MUC4: variants seen among roughly 807,000 people sequenced by gnomAD.
The protein encoded by MUC4 is mucin 4, cell surface associated, also known as mucin-4.
MUC4 carries 202 observed loss-of-function variants against 257.9 expected under a neutral mutation model. The observed-to-expected ratio is 0.78, with a 90% CI of 0.70 to 0.88. MUC4 has a LOEUF of 0.88. Among genes scored for constraint, MUC4 ranks in the 40% least tolerant of loss-of-function variants. MUC4 has a pLI of 0.00. For synonymous variants in MUC4, 2,351 were observed against 2,757.1 expected, an observed-to-expected ratio of 0.85 and a Z score of 4.62; for missense variants, 5,976 against 6,513.7, an observed-to-expected ratio of 0.92 and a Z score of 2.84.
chr3:195,761,521 C>T lies in MUC4; in HGVS notation c.14577G>A (p.Gly4859=). Reference sequence around the variant, plus strand: ...AGTGGAAAAGCATCTCCTCAGGGCTCCCTGGGGGAATGGTGGAGCCATTGG... The same window carrying T: ...AGTGGAAAAGCATCTCCTCAGGGCTTCCTGGGGGAATGGTGGAGCCATTGG... ...RMPNGSTIPP[G]SPEEMLFHFG... is the part of the protein sequence containing the mutation. Residue 4859 remains glycine (G), a synonymous_variant, in exon 15 of 25, where the codon GGG becomes GGA. Transcript: ENST00000463781. The T allele has an allele frequency of 6.2e-7, 1 of 1,614,108 alleles. No individual in the cohort carries two copies. Among genetic ancestry groups the T allele is most frequent in the Non-Finnish European group, 8.5e-7 (1 of 1,179,958 alleles).
Position 195,763,619 on chromosome 3 carries a change from G to T in MUC4, c.14067C>A (p.His4689Gln), listed in dbSNP as rs531923777. ...AACTGACACCATCCAAGGTGGTGAT[G>T]TGGGGGTCCCCGAACATCCAGGCTG... ...PQPAWMFGDP[H>Q]ITTLDGVSYT... Residue 4689 changes from histidine (H) to glutamine (Q), a missense_variant, in exon 12 of 25, where the codon CAC becomes CAA. Around this residue, in one of 44 missense-constraint regions of MUC4, gnomAD observed 996 missense variants for 1,137.3 expected, o/e 0.88. Transcript: ENST00000463781. 1.3e-6 allele frequency: 2 copies of T among 1,550,202 alleles called. No individual in the cohort carries two copies. The highest frequency in any genetic ancestry group is 2.4e-5 in the South Asian group (2 of 83,638).
intron 2 of MUC4, 33 bp downstream of exon 2, chr3:195,778,757 G>A (rs1725662280): frequency 1.3e-6 from 2 of 1,575,190 alleles, no homozygotes; most frequent in African/African-American, 1.3e-5. Context: ...GGGGCCCACT[G>A]GGAGACATAA....
chr3:195,795,846 A>G (rs111932313), intron 1 of MUC4, among the ~76,000 whole-genome samples: 2,999 of 9,884 alleles, frequency 0.3, 214 homozygotes, highest in African/African-American at 0.51. Flanking sequence ...AAAGTGGGGG[A>G]GGGGGGTGGG....
rs774385538 is a variant in MUC4, at chr3:195,762,215, C to T, written c.14384G>A (p.Arg4795His). 7.5e-6 allele frequency: 12 copies of T among 1,594,916 alleles called. No individual in the cohort carries two copies. The highest frequency in any genetic ancestry group is 1.7e-5 in the Admixed American group (1 of 57,714). Residue 4795 changes from arginine to histidine, a missense_variant, in exon 14 of 25, where the codon CGC becomes CAC. Arg to His is a conservative substitution (Grantham distance 29, BLOSUM62 0). This residue lies in a region of MUC4 where 996 missense variants were observed against 1,137.3 expected (regional missense o/e 0.88). Coordinates refer to ENST00000463781, the MANE Select transcript of MUC4 (RefSeq NM_018406.7). ...GCTGGCCGAGACCTCAGAGCCGTTGCGGCTCAGGAGGACTCCGGTGGCGTT... is the reference window on the plus strand; with the variant it reads ...GCTGGCCGAGACCTCAGAGCCGTTGTGGCTCAGGAGGACTCCGGTGGCGTT... The part of the protein sequence containing the change: ...TFNATGVLLS[R>H]NGSEVSASFD...
intron 20 of MUC4, 63 bp downstream of exon 20, chr3:195,752,988 G>A (rs1716777371): frequency 1.4e-5 from 19 of 1,393,590 alleles, no homozygotes; most frequent in Middle Eastern, 2.6e-4. Context: ...GGCGGAGTGC[G>A]GGGGTGAGAG....
intron 11 of MUC4, 25 bp downstream of exon 11, chr3:195,764,020 C>T: frequency 6.2e-7 from 1 of 1,601,538 alleles, no homozygotes. Flanking sequence ...AGAGGCTCTT[C>T]CTGGGCCTGG....
intron 1 of MUC4, among the ~76,000 whole-genome samples, chr3:195,795,600 G>A (rs975303742): frequency 6.6e-6 from 1 of 152,000 alleles, no homozygotes; most frequent in Admixed American, 6.5e-5. Flanking sequence ...CTGAAAGGCT[G>A]AAAAAGGAAA....
chr3:195,788,761 G>T lies in MUC4; in HGVS notation c.2819C>A (p.Pro940Gln), dbSNP rs753406065. The part of the protein sequence containing the change: ...DTFSTVPPTP[P>Q]SITSTGLTSP... The stretch of plus-strand genomic sequence containing the variant: ...TGTAAGCCCAGTGGATGTGATCGAT[G>T]GAGGTGTGGGTGGGACTGTTGAGAA... The change falls in exon 2 of 25, where the codon CCA (proline) becomes CAA (glutamine). Residue 940 changes from proline to glutamine, a missense_variant. Pro to Gln is a moderately conservative substitution (Grantham distance 76). Transcript: ENST00000463781. 1 of 1,613,802 alleles carries T rather than the reference G, an allele frequency of 6.2e-7. No homozygotes were observed. Among genetic ancestry groups the T allele is most frequent in the East Asian group, 2.2e-5 (1 of 44,884 alleles).
rs1304054272 is a variant in MUC4 at position 195,780,165 on chromosome 3, C to T, written c.11415G>A (p.Gln3805=). 1.8e-6 allele frequency: 2 copies of T among 1,108,732 alleles called. No homozygotes were observed. Among genetic ancestry groups the T allele is most frequent in the Non-Finnish European group, 2.3e-6 (2 of 864,386 alleles). 68.7% of individuals were successfully genotyped at this position (1,108,732 alleles called of 1,614,324 possible). The change falls in exon 2 of 25, where the codon CAG becomes CAA. Residue 3805 remains glutamine, a synonymous_variant. Coordinates refer to ENST00000463781, the MANE Select transcript of MUC4 (RefSeq NM_018406.7). ...VTDTSSASTG[Q]ATPLPVTSLS... is the part of the protein sequence containing the mutation. ...GGCTGGTGACAGGAAGAGGGGTGGCCTGACCTGTGGATGCTGAGGAAGTGT... is the reference window on the plus strand; with the variant it reads ...GGCTGGTGACAGGAAGAGGGGTGGCTTGACCTGTGGATGCTGAGGAAGTGT...
intron 17 of MUC4, 55 bp downstream of exon 17, chr3:195,759,069 T>C: frequency 1.3e-6 from 2 of 1,598,344 alleles, no homozygotes; most frequent in Non-Finnish European, 1.7e-6. Flanking sequence ...AATTTGACTC[T>C]GACCTCATCC....
At chr3:195,767,834 A>ATTG (rs1184954231) in intron 7 of MUC4, among the ~76,000 whole-genome samples, 1 of 116,516 alleles carries the variant, frequency 8.6e-6, no homozygotes, top group East Asian at 2.3e-4. Context: ...CACCACCATC[A>ATTG]CCACCACCAC....
At chr3:195,753,719 G>A in intron 19 of MUC4, 1 of 188,062 alleles carries the variant, frequency 5.3e-6, no homozygotes, top group Non-Finnish European at 1.1e-5. Flanking sequence ...CAGATGGCTG[G>A]GAGGACTCAA....
chr3:195,770,360 C>A lies in MUC4; in HGVS notation c.13254G>T (p.Thr4418=). The stretch of plus-strand genomic sequence containing the variant: ...CTAGCAGGCTGTGTTCACCATAGAA[C>A]GTCTCGTATTCCTAGGAAAGGAGGG... ...RGTTFYQEYE[T]FYGEHSLLVQ... Residue 4418 remains threonine (T), a synonymous_variant, in exon 6 of 25, where the codon ACG becomes ACT. Transcript: ENST00000463781. The A allele has an allele frequency of 1.2e-6, 2 of 1,613,776 alleles. No individual in the cohort carries two copies. The highest frequency in any genetic ancestry group is 1.7e-6 in the Non-Finnish European group (2 of 1,179,890).
At chr3:195,799,019 A>G (rs941728787) in intron 1 of MUC4, among the ~76,000 whole-genome samples, 3 of 151,784 alleles carry the variant, frequency 2.0e-5, no homozygotes, top group Non-Finnish European at 2.9e-5. Flanking sequence ...CACTCCCCCA[A>G]CTGGAAGCGT....
chr3:195,757,111 G>T lies in MUC4; in HGVS notation c.15168+36C>A. On this transcript the variant is annotated intron_variant, in intron 18 of 24. Coordinates refer to ENST00000463781, the MANE Select transcript of MUC4 (RefSeq NM_018406.7). The surrounding 1 kb of genome is among the most constrained non-coding windows in gnomAD (Gnocchi z 4.8). ...TTCCACTCCCATTTCCTCTCCCCTC[G>T]GCACAGAAACTCCTCCCCCACCTCC... 1.3e-6 allele frequency: 2 copies of T among 1,566,774 alleles called. No individual in the cohort carries two copies. The highest frequency in any genetic ancestry group is 1.7e-6 in the Non-Finnish European group (2 of 1,146,776).
In MUC4 at chr3:195,747,104, A is replaced by C; in HGVS notation, c.*72T>G. 6.3e-7 allele frequency: 1 copy of C among 1,585,406 alleles called. No homozygotes were observed. The highest frequency in any genetic ancestry group is 8.6e-7 in the Non-Finnish European group (1 of 1,157,392). On this transcript the variant is annotated 3_prime_UTR_variant, in exon 25 of 25. Coordinates refer to ENST00000463781, the MANE Select transcript of MUC4 (RefSeq NM_018406.7). ...TCACCTTCCCTTTTCCAGTCTCCCA[A>C]AAGCAATGGCGCCTTAAATGTGCGG...
At position 195,761,357 on chromosome 3, in the gene MUC4, G is replaced by C. The variant is rs935098556; in HGVS notation, c.14614+127C>G. 8.0e-6 allele frequency: 7 copies of C among 872,190 alleles called. 1 individual carries two copies. Among genetic ancestry groups the C allele is most frequent in the African/African-American group, 6.7e-5 (4 of 59,824 alleles). The allele number at this position is 872,190 out of a possible 1,614,324, so 54.0% of individuals were successfully genotyped here. A position where few individuals can be genotyped will look rare whatever the true frequency, so the allele number is the denominator to read the frequency against. ...GCTGGTGGTGGTGGGGACAGCCCTGGGGGGGCACAGATTCCTCAGACCTTA... is the reference window on the plus strand; with the variant it reads ...GCTGGTGGTGGTGGGGACAGCCCTGCGGGGGCACAGATTCCTCAGACCTTA... On this transcript the variant is annotated intron_variant, in intron 15 of 24. Transcript: ENST00000463781.
At chr3:195,793,528 AAAAG>A (rs1734147360) in intron 1 of MUC4, among the ~76,000 whole-genome samples, 2 of 152,082 alleles carry the variant, frequency 1.3e-5, no homozygotes, top group Non-Finnish European at 2.9e-5. Flanking sequence ...AATAAAATAA[AAAAG>A]GAGAGAGAGA....
At chr3:195,767,154 G>A (rs916657505) in intron 7 of MUC4, among the ~76,000 whole-genome samples, 2 of 152,080 alleles carry the variant, frequency 1.3e-5, no homozygotes, top group African/African-American at 4.8e-5. Flanking sequence ...GTTAGGCAGT[G>A]ATGGATTCAA....
Sources: allele counts gnomAD v4.1 joint callset (sites outside exome capture counted in the v4.1 genomes callset), GRCh38; gene constraint gnomAD v4.1.1; regional missense constraint gnomAD v4.1.1; non-coding constraint Gnocchi (gnomAD v3.1); transcripts MANE v1.5; gene names NCBI Gene and HGNC (gene_info 2026-07-23, HGNC 2026-07-21).